The following TTBK2 variants were observed in gnomAD, a reference collection of about 807,000 sequenced individuals.
The protein encoded by TTBK2 is tau tubulin kinase 2.
A neutral mutation model predicts 110.8 loss-of-function variants in TTBK2; 28 were observed. The ratio of observed to expected loss-of-function variants is 0.25; its 90% CI spans 0.19 to 0.35. The LOEUF is 0.35. Among genes scored for constraint, TTBK2 ranks in the 10% least tolerant of loss-of-function variants. The probability of loss-of-function intolerance (pLI) is 1.00; values close to 1 mark genes in which losing one functional copy is unlikely to be tolerated. For synonymous variants in TTBK2, 532 were observed against 527.3 expected (o/e 1.01, Z -0.12); for missense variants, 1,369 against 1,500.3 (o/e 0.91, Z 1.45).
chr15:42,797,457 G>C (rs1890994325), intron 9 of TTBK2, among the ~76,000 whole-genome samples: 1 of 152,320 alleles, frequency 6.6e-6, no homozygotes, highest in South Asian at 2.1e-4. Context: ...AAATAGGAAA[G>C]CTAAAAGCAC....
intron 13 of TTBK2, among the ~76,000 whole-genome samples, chr15:42,774,696 G>A (rs775025037): frequency 6.6e-6 from 1 of 152,132 alleles, no homozygotes; most frequent in Non-Finnish European, 1.5e-5. Flanking sequence ...AGAAATTCCT[G>A]GGTGGACTTT....
intron 9 of TTBK2, among the ~76,000 whole-genome samples, chr15:42,803,100 C>A: frequency 6.6e-6 from 1 of 152,098 alleles, no homozygotes; most frequent in East Asian, 1.9e-4. Flanking sequence ...ATAAATTCCC[C>A]TTTATATATA....
intron 3 of TTBK2, among the ~76,000 whole-genome samples, chr15:42,869,449 A>T (rs1894523714): frequency 1.3e-5 from 2 of 151,932 alleles, no homozygotes; most frequent in Admixed American, 1.3e-4. Flanking sequence ...ACAGCATAAG[A>T]GATCATGAAA....
chr15:42,891,412 G>C (rs548351649), intron 1 of TTBK2, among the ~76,000 whole-genome samples: 2 of 151,286 alleles, frequency 1.3e-5, no homozygotes, highest in African/African-American at 2.4e-5. Context: ...AGACTCAATC[G>C]ATCCTCCCAC....
intron 10 of TTBK2, among the ~76,000 whole-genome samples, chr15:42,788,976 G>A (rs958704970): frequency 1.3e-5 from 2 of 152,066 alleles, no homozygotes; most frequent in Non-Finnish European, 1.5e-5. Flanking sequence ...GTCATTACAG[G>A]GAAGCAGATT....
chr15:42,885,967 G>T (rs974537735), intron 1 of TTBK2, among the ~76,000 whole-genome samples: 1 of 152,090 alleles, frequency 6.6e-6, no homozygotes, highest in African/African-American at 2.4e-5. Flanking sequence ...TGTCTATCCT[G>T]CAAGATCTAG....
At chr15:42,770,624 A>G (rs961631855) in intron 13 of TTBK2, among the ~76,000 whole-genome samples, 9 of 152,194 alleles carry the variant, frequency 5.9e-5, no homozygotes, top group Admixed American at 3.9e-4. Flanking sequence ...ATACAATTAC[A>G]AAAAAACTTT....
intron 9 of TTBK2, among the ~76,000 whole-genome samples, chr15:42,798,040 T>A (rs569520145): frequency 6.6e-6 from 1 of 152,178 alleles, no homozygotes; most frequent in East Asian, 1.9e-4. Flanking sequence ...CACGCCACCA[T>A]GCCCAGCTAA....
intron 3 of TTBK2, among the ~76,000 whole-genome samples, chr15:42,843,145 C>A (rs1281320397): frequency 6.6e-6 from 1 of 152,212 alleles, no homozygotes; most frequent in African/African-American, 2.4e-5. Flanking sequence ...AGACATCCAA[C>A]ATAGCTGACT....
chr15:42,846,394 C>T (rs1351603549), intron 3 of TTBK2, among the ~76,000 whole-genome samples: 1 of 151,866 alleles, frequency 6.6e-6, no homozygotes, highest in Admixed American at 6.6e-5. Flanking sequence ...GATGGCCAGG[C>T]TGGTCTCAAA....
chr15:42,899,200 A>G (rs530032603), intron 1 of TTBK2, among the ~76,000 whole-genome samples: 97 of 151,730 alleles, frequency 6.4e-4, no homozygotes, highest in African/African-American at 2.3e-3. Flanking sequence ...GTTTTACTAT[A>G]TTGCCCAGGC....
At chr15:42,754,539 G>A (rs1252920926) in intron 13 of TTBK2, among the ~76,000 whole-genome samples, 1 of 151,500 alleles carries the variant, frequency 6.6e-6, no homozygotes. Context: ...TGGGATTACA[G>A]GTGCCCACCA....
chr15:42,874,548 C>G (rs1489864037), intron 2 of TTBK2, among the ~76,000 whole-genome samples: 1 of 151,692 alleles, frequency 6.6e-6, no homozygotes, highest in Non-Finnish European at 1.5e-5. Context: ...AACTCCTGAT[C>G]ACAGGTGATC....
In TTBK2 at chr15:42,752,300, C is replaced by T; in HGVS notation, c.2946G>A (p.Leu982=). 2.5e-6 allele frequency: 4 copies of T among 1,614,092 alleles called. No individual in the cohort carries two copies. The highest frequency in any genetic ancestry group is 3.4e-6 in the Non-Finnish European group (4 of 1,179,988). The part of the protein sequence containing the change: ...KAYQPDLVKL[L]VEKRQFKSFL... ...AGGACTTGAATTGTCTTTTTTCCAC[C>T]AGAAGCTTGACTAGGTCTGGCTGAT... The change falls in exon 14 of 15, where the codon CTG becomes CTA. Residue 982 remains leucine (L), a synonymous_variant. Transcript: ENST00000267890.
rs151209799 is a variant in TTBK2 at position 42,867,654 on chromosome 15, T to C, written c.217+4957A>G. ...GAGATGTCACTACACACCTATCTGA[T>C]GGCCAAAATCCAGAACACTGACAAT... On this transcript the variant is annotated intron_variant, in intron 3 of 14. Transcript: ENST00000267890. Among the ~76,000 whole-genome samples the C allele has an allele frequency of 6.4e-4, 98 of 152,334 alleles. 1 individual carries two copies. The highest frequency in any genetic ancestry group is 3.4e-3 in the Middle Eastern group (1 of 294).
intron 9 of TTBK2, among the ~76,000 whole-genome samples, chr15:42,803,163 A>G (rs1049202159): frequency 6.6e-6 from 1 of 152,166 alleles, no homozygotes; most frequent in African/African-American, 2.4e-5. Context: ...TAATACATGT[A>G]CTTACACAAA....
intron 13 of TTBK2, among the ~76,000 whole-genome samples, chr15:42,761,819 A>C (rs2062031832): frequency 6.6e-6 from 1 of 152,230 alleles, no homozygotes; most frequent in African/African-American, 2.4e-5. Flanking sequence ...GATGCAGAGA[A>C]AAGAGAACTC....
intron 1 of TTBK2, among the ~76,000 whole-genome samples, chr15:42,888,785 A>C (rs574095318): frequency 6.4e-4 from 98 of 152,312 alleles, no homozygotes; most frequent in African/African-American, 2.3e-3. Flanking sequence ...CATTCACTGC[A>C]ACGGCCATCA....
At chr15:42,912,843 A>G (rs1596053789) in intron 1 of TTBK2, among the ~76,000 whole-genome samples, 1 of 151,684 alleles carries the variant, frequency 6.6e-6, no homozygotes, top group East Asian at 2.0e-4. Flanking sequence ...TAAGCAACAT[A>G]GGCCGGGCGC....
Sources: gnomAD v4.1 joint callset for allele counts (sites outside exome capture counted in the v4.1 genomes callset) on GRCh38, gnomAD v4.1.1 for gene constraint, MANE v1.5 for transcripts, NCBI Gene and HGNC (gene_info 2026-07-23, HGNC 2026-07-21) for gene names.